Variants in TAL1 observed in about 807,000 individuals in gnomAD.
TAL1 encodes TAL bHLH transcription factor 1, erythroid differentiation factor.
TAL1 carries 8 observed loss-of-function variants against 17.9 expected under a neutral mutation model. The observed-to-expected ratio is 0.45, with a 90% confidence interval of 0.26 to 0.81. The LOEUF (loss-of-function observed/expected upper bound fraction) is 0.81, where lower values mean the gene tolerates loss of function less well. Ranked by LOEUF, TAL1 falls within the 30% of genes least tolerant of loss-of-function variation. The pLI is 0.17. For synonymous variants in TAL1, 223 were observed against 218.6 expected (o/e 1.02, Z -0.18); for missense variants, 466 against 486.9 (o/e 0.96, Z 0.40).
At chr1:47,226,853 C>A (rs538723827) in intron 1 of TAL1, among the ~76,000 whole-genome samples, 5 of 152,234 alleles carry the variant, frequency 3.3e-5, no homozygotes, top group Non-Finnish European at 7.3e-5. Flanking sequence ...TCATGAGGCC[C>A]TTGAACTCTT....
chr1:47,232,081 G>A (rs987538512), upstream of TAL1: 1 of 229,668 alleles, frequency 4.4e-6, no homozygotes, highest in Non-Finnish European at 8.6e-6. Context: ...TTTTGCGGAC[G>A]TGGGGAAAAA....
chr1:47,221,367 A>C (rs951834249), intron 3 of TAL1, among the ~76,000 whole-genome samples: 3 of 152,216 alleles, frequency 2.0e-5, no homozygotes, highest in African/African-American at 4.8e-5. Flanking sequence ...GGCTTGGCCC[A>C]ATAGTCACTA....
upstream of TAL1, chr1:47,231,308 A>T: frequency 3.8e-5 from 1 of 26,556 alleles, no homozygotes; most frequent in East Asian, 1.0e-3. Flanking sequence ...CCCCGCCCCC[A>T]TGCCGCCGCC....
At chr1:47,222,449 A>C (rs1307862565) in intron 3 of TAL1, among the ~76,000 whole-genome samples, 1 of 152,178 alleles carries the variant, frequency 6.6e-6, no homozygotes, top group African/African-American at 2.4e-5. Context: ...ACAGAAATCA[A>C]GCACACATAG....
exon 4 of TAL1, chr1:47,219,260 C>A: frequency 2.2e-6 from 1 of 447,834 alleles, no homozygotes. Context: ...AAATGGGCAG[C>A]TATTGGGTAC....
chr1:47,222,436 T>C lies in TAL1; in HGVS notation c.541+1568A>G, dbSNP rs527996121. 3.3e-5 allele frequency among the ~76,000 whole-genome samples: 5 copies of C among 152,274 alleles called. No homozygotes were observed. In the East Asian group the frequency reaches 9.6e-4, roughly 29 times the overall value. The stretch of plus-strand genomic sequence containing the variant: ...GCCCTCATGAGCTTGTGGTAAGGAA[T>C]AAACAGAAATCAAGCACACATAGTC... On this transcript the variant is annotated intron_variant, in intron 3 of 3. Transcript: ENST00000294339.
In TAL1 at chr1:47,222,634, C is replaced by T. The variant is rs568991591; in HGVS notation, c.541+1370G>A. 3.3e-5 allele frequency among the ~76,000 whole-genome samples: 5 copies of T among 152,244 alleles called. No homozygotes were observed. In the South Asian group the frequency reaches 6.2e-4, roughly 19 times the overall value. ...TCCTGCACACTCATACCCTACCCTT[C>T]GCCTACATGTCTGCCTATTCCTCTC... On this transcript the variant is annotated intron_variant, in intron 3 of 3. Transcript: ENST00000294339.
At chr1:47,220,159 A>G (rs760982474) in exon 4 of TAL1, 3 of 1,569,012 alleles carry the variant, frequency 1.9e-6, no homozygotes, top group Non-Finnish European at 2.6e-6. Context: ...ACGCCGCACA[A>G]CTTTGGTGTG....
upstream of TAL1, chr1:47,231,691 A>C (rs1391635896): frequency 2.1e-5 from 5 of 233,722 alleles, no homozygotes; most frequent in East Asian, 3.0e-4. Flanking sequence ...CCAACGGAGC[A>C]CAATCGTACG....
exon 4 of TAL1, chr1:47,219,226 G>A (rs1645559757): frequency 6.8e-6 from 3 of 442,682 alleles, no homozygotes; most frequent in Non-Finnish European, 1.3e-5. Flanking sequence ...ATCAACATAG[G>A]CCTGGGTGAA....
chr1:47,225,706 C>T, exon 2 of TAL1: 1 of 1,457,096 alleles, frequency 6.9e-7, no homozygotes, highest in Non-Finnish European at 9.0e-7. Context: ...CAGGGCCGCC[C>T]CCCGGGCCTC....
upstream of TAL1, among the ~76,000 whole-genome samples, chr1:47,231,503 G>C (rs1256619862): frequency 1.3e-5 from 2 of 151,862 alleles, no homozygotes; most frequent in Non-Finnish European, 2.9e-5. Flanking sequence ...AAGCCGACTT[G>C]GTCAGCCCCG....
At chr1:47,231,151 CT>C, upstream of TAL1, 1 of 174,266 alleles carries the variant, frequency 5.7e-6, no homozygotes, top group Non-Finnish European at 1.2e-5. Flanking sequence ...CTGGAGGAGC[CT>C]CCCACTCACC....
chr1:47,225,015 G>A (rs1643885770), intron 2 of TAL1, among the ~76,000 whole-genome samples: 1 of 152,134 alleles, frequency 6.6e-6, no homozygotes, highest in Non-Finnish European at 1.5e-5. Flanking sequence ...CTGAGTTTCC[G>A]AATGAATTTC....
At chr1:47,225,694 G>A (rs920634129) in exon 2 of TAL1, 3 of 1,433,690 alleles carry the variant, frequency 2.1e-6, no homozygotes, top group Non-Finnish European at 2.7e-6. Flanking sequence ...CGCCCCCACC[G>A]GCAGGGCCGC....
exon 2 of TAL1, chr1:47,225,605 C>G: frequency 7.3e-7 from 1 of 1,366,772 alleles, no homozygotes; most frequent in Non-Finnish European, 9.3e-7. Flanking sequence ...CCCGGGAGGT[C>G]TGCACAGCTC....
At chr1:47,226,190 A>G in intron 1 of TAL1, 1 of 396,654 alleles carries the variant, frequency 2.5e-6, no homozygotes, top group Non-Finnish European at 4.5e-6. Flanking sequence ...AAAGGAATAC[A>G]GCCAGCGACA....
At chr1:47,231,645 A>C (rs898373176), upstream of TAL1, 11 of 233,364 alleles carry the variant, frequency 4.7e-5, no homozygotes, top group East Asian at 3.6e-4. Flanking sequence ...GGGGCCACAC[A>C]CCCCCACACA....
At chr1:47,225,780 C>T (rs776089096) in exon 2 of TAL1, 1 of 1,555,996 alleles carries the variant, frequency 6.4e-7, no homozygotes. Context: ...TCCTTGGCGA[C>T]GCCGTTCAGC....
Sources: gnomAD v4.1 joint callset for allele counts (sites outside exome capture counted in the v4.1 genomes callset) on GRCh38, gnomAD v4.1.1 for gene constraint, MANE v1.5 for transcripts, NCBI Gene and HGNC (gene_info 2026-07-23, HGNC 2026-07-21) for gene names.